The following B4GALNT4 variants were observed in gnomAD, a reference collection of about 807,000 sequenced individuals.
The protein encoded by B4GALNT4 is beta-1,4-N-acetyl-galactosaminyltransferase 4, also known as N-acetyl-beta-glucosaminyl-glycoprotein 4-beta-N-acetylgalactosaminyltransferase 1.
In B4GALNT4, 77 loss-of-function variants were observed where a neutral mutation model predicts 110.0. The ratio of observed to expected loss-of-function variants is 0.70; its 90% CI spans 0.58 to 0.85. The LOEUF (loss-of-function observed/expected upper bound fraction) is 0.85, where lower values mean the gene tolerates loss of function less well. Among genes scored for constraint, B4GALNT4 ranks in the 40% least tolerant of loss-of-function variants. The pLI is 0.00. For synonymous variants in B4GALNT4, 785 were observed against 655.5 expected (o/e 1.20, Z -3.02); for missense variants, 1,575 against 1,506.0 (o/e 1.05, Z -0.76).
At position 372,958 on chromosome 11, in the gene B4GALNT4, G is replaced by T; in HGVS notation, c.444+11G>T. 2 of 1,612,452 alleles carry T rather than the reference G, an allele frequency of 1.2e-6. No individual in the cohort carries two copies. Among genetic ancestry groups the T allele is most frequent in the South Asian group, 2.2e-5 (2 of 91,070 alleles). On this transcript the variant is annotated intron_variant, in intron 4 of 19. Coordinates refer to ENST00000329962, the MANE Select transcript of B4GALNT4 (RefSeq NM_178537.5). ...CCGCTGTTCCCTCATGTGAGTGCCGGGGTTGGGGGGTGCCGGGTGGGCAGG... is the reference window on the plus strand; with the variant it reads ...CCGCTGTTCCCTCATGTGAGTGCCGTGGTTGGGGGGTGCCGGGTGGGCAGG...
intron 8 of B4GALNT4, among the ~76,000 whole-genome samples, chr11:374,423 A>G (rs1440769040): frequency 6.6e-6 from 1 of 150,646 alleles, no homozygotes; most frequent in Non-Finnish European, 1.5e-5. Flanking sequence ...GGGCAGCACG[A>G]TGGTGCCTGT....
rs1264097742 is a variant in B4GALNT4, at chr11:376,615, G to T, written c.1492G>T (p.Ala498Ser). 1.4e-6 allele frequency: 2 copies of T among 1,394,698 alleles called. No individual in the cohort carries two copies. The highest frequency in any genetic ancestry group is 1.9e-6 in the Non-Finnish European group (2 of 1,076,040). 86.4% of individuals were successfully genotyped at this position (1,394,698 alleles called of 1,614,324 possible). ...GCACTCCCGGGCCCTGAGCTGGGCC[G>T]CCAGGGCCGCCCGCCCTTTGCCGCT... is the stretch of plus-strand genomic sequence containing the variant. Reference protein sequence around the residue: ...PRHSRALSWAARAARPLPLFL... With the variant: ...PRHSRALSWASRAARPLPLFL... Residue 498 changes from alanine (A) to serine (S), a missense_variant, in exon 14 of 20, where the codon GCC (alanine) becomes TCC (serine). By Grantham distance (99) the Ala-to-Ser change is moderately conservative. Coordinates refer to ENST00000329962, the MANE Select transcript of B4GALNT4 (RefSeq NM_178537.5).
chr11:373,693 G>T (rs1846667080), intron 7 of B4GALNT4, 57 bp from the exon 8 acceptor site: 1 of 1,585,118 alleles, frequency 6.3e-7, no homozygotes. Context: ...CCCCTTCCCT[G>T]CCTCCACTAT....
At chr11:372,542 C>T (rs1445761390) in intron 2 of B4GALNT4, 120 bp from the exon 3 acceptor site, 23 of 899,394 alleles carry the variant, frequency 2.6e-5, no homozygotes, top group Non-Finnish European at 3.8e-5. Flanking sequence ...CTGGGGCTCA[C>T]GGGCATTTAG....
rs538514155 is a variant in B4GALNT4, at chr11:382,043, T to C, written c.*251T>C. 4 of 381,176 alleles carry C rather than the reference T, an allele frequency of 1.0e-5. No individual in the cohort carries two copies. The highest frequency in any genetic ancestry group is 6.4e-5 in the African/African-American group (3 of 47,074). 23.6% of individuals were successfully genotyped at this position (381,176 alleles called of 1,614,324 possible). A position where few individuals can be genotyped will look rare whatever the true frequency, so the allele number is the denominator to read the frequency against. ...AAATTTTGCTGTAGCGATGACATTG[T>C]TTTCAGAATTTCCAAGAGTTCTGTC... On this transcript the variant is annotated 3_prime_UTR_variant, in exon 20 of 20. Transcript: ENST00000329962.
Position 377,108 on chromosome 11 carries a change from A to T in B4GALNT4, c.1985A>T (p.Glu662Val), listed in dbSNP as rs1318527323. 2 of 1,478,522 alleles carry T rather than the reference A, an allele frequency of 1.4e-6. No individual in the cohort carries two copies. Among genetic ancestry groups the T allele is most frequent in the Non-Finnish European group, 1.8e-6 (2 of 1,115,214 alleles). 91.6% of individuals were successfully genotyped at this position (1,478,522 alleles called of 1,614,324 possible). A position where few individuals can be genotyped will look rare whatever the true frequency, so the allele number is the denominator to read the frequency against. ...GCCCCGGGCGACGAGGCCGCGTCGG[A>T]GGACAGCGAGGAGGCCGCGGGCCCG... Reference protein sequence around the residue: ...DGAPGDEAASEDSEEAAGPAL... With the variant: ...DGAPGDEAASVDSEEAAGPAL... Residue 662 changes from glutamate to valine, a missense_variant, in exon 14 of 20, where the codon GAG becomes GTG. Glu to Val is a moderately radical substitution (Grantham distance 121). Coordinates refer to ENST00000329962, the MANE Select transcript of B4GALNT4 (RefSeq NM_178537.5).
intron 4 of B4GALNT4, 35 bp from the exon 5 acceptor site, chr11:372,991 G>A (rs11246139): frequency 6.2e-7 from 1 of 1,612,454 alleles, no homozygotes; most frequent in South Asian, 1.1e-5. Context: ...AGGGCACGCA[G>A]GGGGCTTCGA....
chr11:373,416 C>CCCCG, intron 6 of B4GALNT4, 33 bp from the exon 7 acceptor site: 2 of 1,102,342 alleles, frequency 1.8e-6, no homozygotes, highest in African/African-American at 4.6e-5. Flanking sequence ...GAACCCCCCC[C>CCCCG]CCCACCACCA....
chr11:370,375 T>C (rs953197452), intron 1 of B4GALNT4, among the ~76,000 whole-genome samples: 11 of 152,046 alleles, frequency 7.2e-5, no homozygotes, highest in Non-Finnish European at 1.3e-4. Context: ...TAGCAGGGCC[T>C]CAGTTTCCCT....
Position 373,744 on chromosome 11 carries a change from C to G in B4GALNT4, c.705-6C>G. Reference sequence around the variant, plus strand: ...ATGGCACGACCCTTGCTCCTCGTGTCCCCAGGCTCATGGCCTCCCGGAGGT... The same window carrying G: ...ATGGCACGACCCTTGCTCCTCGTGTGCCCAGGCTCATGGCCTCCCGGAGGT... On this transcript the variant is annotated splice_region_variant and splice_polypyrimidine_tract_variant and intron_variant, in intron 7 of 19. Coordinates refer to ENST00000329962, the MANE Select transcript of B4GALNT4 (RefSeq NM_178537.5). 1 of 1,612,018 alleles carries G rather than the reference C, an allele frequency of 6.2e-7. No individual in the cohort carries two copies. The highest frequency in any genetic ancestry group is 8.5e-7 in the Non-Finnish European group (1 of 1,179,708).
intron 1 of B4GALNT4, among the ~76,000 whole-genome samples, chr11:370,280 G>A (rs896050569): frequency 3.3e-5 from 5 of 152,080 alleles, no homozygotes; most frequent in Non-Finnish European, 7.4e-5. Flanking sequence ...GGCTGACGGT[G>A]GGCTCCTGGG....
Position 372,718 on chromosome 11 carries a change from G to T in B4GALNT4, c.312G>T (p.Leu104=). 1 of 1,607,828 alleles carries T rather than the reference G, an allele frequency of 6.2e-7. No homozygotes were observed. Among genetic ancestry groups the T allele is most frequent in the Non-Finnish European group, 8.5e-7 (1 of 1,178,696 alleles). The change falls in exon 3 of 20, where the codon CTG becomes CTT. Residue 104 remains leucine, a synonymous_variant. Coordinates refer to ENST00000329962, the MANE Select transcript of B4GALNT4 (RefSeq NM_178537.5). Reference sequence around the variant, plus strand: ...CTGGGGGGGCTGGGAGGCTGCCACTGAACTTCACCCATCAGACACCCCCAT... The same window carrying T: ...CTGGGGGGGCTGGGAGGCTGCCACTTAACTTCACCCATCAGACACCCCCAT... ...LFPGGAGRLP[L]NFTHQTPPWR...
At position 381,978 on chromosome 11, in the gene B4GALNT4, A is replaced by G. The variant is rs1590345581; in HGVS notation, c.*186A>G. 3.3e-6 allele frequency: 2 copies of G among 611,974 alleles called. No individual in the cohort carries two copies. 37.9% of individuals were successfully genotyped at this position (611,974 alleles called of 1,614,324 possible). On this transcript the variant is annotated 3_prime_UTR_variant, in exon 20 of 20. Coordinates refer to ENST00000329962, the MANE Select transcript of B4GALNT4 (RefSeq NM_178537.5). The stretch of plus-strand genomic sequence containing the variant: ...GGAGAGGCAGCCTTCACGGCGGGTC[A>G]GGGCCTGGCCTTGGTCCCCACTCTG...
In B4GALNT4 at chr11:369,669, G is replaced by T; in HGVS notation, c.-135G>T. The stretch of plus-strand genomic sequence containing the variant: ...GCGGCCGCACCCGGTGGCCGCGCAC[G>T]GCGGACAAAGGACCATGCGGGGCCG... On this transcript the variant is annotated 5_prime_UTR_variant, in exon 1 of 20. Transcript: ENST00000329962. 5.5e-6 allele frequency: 2 copies of T among 362,244 alleles called. No homozygotes were observed. Among genetic ancestry groups the T allele is most frequent in the Non-Finnish European group, 7.6e-6 (2 of 264,460 alleles). 22.4% of individuals were successfully genotyped at this position (362,244 alleles called of 1,614,324 possible). A position where few individuals can be genotyped will look rare whatever the true frequency, so the allele number is the denominator to read the frequency against.
chr11:379,907 A>G lies in B4GALNT4; in HGVS notation c.2530A>G (p.Met844Val), dbSNP rs1424303282. 3 of 1,608,732 alleles carry G rather than the reference A, an allele frequency of 1.9e-6. No homozygotes were observed. Among genetic ancestry groups the G allele is most frequent in the South Asian group, 1.1e-5 (1 of 90,956 alleles). The change falls in exon 16 of 20, where the codon ATG (methionine) becomes GTG (valine). Residue 844 changes from methionine (M) to valine (V), a missense_variant. By Grantham distance (21) the Met-to-Val change is conservative. Coordinates refer to ENST00000329962, the MANE Select transcript of B4GALNT4 (RefSeq NM_178537.5). Reference protein sequence around the residue: ...ARWVAQFLADMAALHARTGDS... With the variant: ...ARWVAQFLADVAALHARTGDS... Reference sequence around the variant, plus strand: ...GTGGGTGGCACAGTTCCTGGCGGACATGGCTGCGCTGCACGCGCGCACCGG... The same window carrying G: ...GTGGGTGGCACAGTTCCTGGCGGACGTGGCTGCGCTGCACGCGCGCACCGG...
At chr11:378,227 G>C (rs187561973) in intron 14 of B4GALNT4, among the ~76,000 whole-genome samples, 1 of 152,328 alleles carries the variant, frequency 6.6e-6, no homozygotes, top group Non-Finnish European at 1.5e-5. Context: ...GGAAGGTTGC[G>C]AGCAGAGCAG....
rs1016894299 is a variant in B4GALNT4, at chr11:373,380, G to A, written c.637-69G>A. 1.2e-5 allele frequency: 19 copies of A among 1,559,628 alleles called. No homozygotes were observed. The East Asian group carries it at 4.1e-4, about 34-fold the overall frequency. On this transcript the variant is annotated intron_variant, in intron 6 of 19. Coordinates refer to ENST00000329962, the MANE Select transcript of B4GALNT4 (RefSeq NM_178537.5). Reference sequence around the variant, plus strand: ...AGCCTCTTGGGAATGAGGACCCGATGGGTTTGGTGTCCCCAGGGAGAGAGT... The same window carrying A: ...AGCCTCTTGGGAATGAGGACCCGATAGGTTTGGTGTCCCCAGGGAGAGAGT...
At chr11:377,698 G>C (rs957064984) in intron 14 of B4GALNT4, among the ~76,000 whole-genome samples, 2 of 152,234 alleles carry the variant, frequency 1.3e-5, no homozygotes, top group Non-Finnish European at 2.9e-5. Flanking sequence ...ATTCCGGGGG[G>C]GCCAGGCAGA....
In B4GALNT4 at chr11:369,654, CCGGTGGCCGCGCACGG is replaced by C. The variant is rs1476724476; in HGVS notation, c.-146_-131del. 6.8e-6 allele frequency: 2 copies of C among 293,804 alleles called. No homozygotes were observed. Among genetic ancestry groups the C allele is most frequent in the Non-Finnish European group, 9.9e-6 (2 of 202,092 alleles). 18.2% of individuals were successfully genotyped at this position (293,804 alleles called of 1,614,324 possible). On this transcript the variant is annotated 5_prime_UTR_variant, in exon 1 of 20. Coordinates refer to ENST00000329962, the MANE Select transcript of B4GALNT4 (RefSeq NM_178537.5). ...CGGCCTGGGGGGGTCGCGGCCGCAC[CCGGTGGCCGCGCACGG>C]CGGACAAAGGACCATGCGGGGCCGC...
Sources: allele counts gnomAD v4.1 joint callset (sites outside exome capture counted in the v4.1 genomes callset), GRCh38; gene constraint gnomAD v4.1.1; transcripts MANE v1.5; gene names NCBI Gene and HGNC (gene_info 2026-07-23, HGNC 2026-07-21).